HOOK3: variants seen among roughly 807,000 people sequenced by gnomAD.
HOOK3 encodes hook microtubule tethering protein 3.
A neutral mutation model predicts 116.3 loss-of-function variants in HOOK3; 24 were observed. That is an observed-to-expected ratio of 0.21 (90% CI 0.15 to 0.29). The LOEUF (loss-of-function observed/expected upper bound fraction) is 0.29, where lower values mean the gene tolerates loss of function less well. HOOK3 is among the 10% of genes least tolerant of loss of function. The pLI is 1.00. For synonymous variants in HOOK3, 275 were observed against 283.0 expected (o/e 0.97, Z 0.28); for missense variants, 632 against 830.2 (o/e 0.76, Z 2.93).
At chr8:42,964,781 C>T (rs375015307) in intron 9 of HOOK3, among the ~76,000 whole-genome samples, 3 of 135,498 alleles carry the variant, frequency 2.2e-5, no homozygotes, top group Non-Finnish European at 3.3e-5. Flanking sequence ...GAGCCGAGAT[C>T]GTGCCACTGC....
chr8:42,970,009 A>G (rs1469950929), intron 11 of HOOK3, among the ~76,000 whole-genome samples: 2 of 152,178 alleles, frequency 1.3e-5, no homozygotes, highest in African/African-American at 4.8e-5. Context: ...TATTTCCTAT[A>G]TAAGGTTATA....
intron 17 of HOOK3, among the ~76,000 whole-genome samples, chr8:43,005,222 T>TG (rs11391255): frequency 2.3e-5 from 3 of 133,178 alleles, no homozygotes; most frequent in African/African-American, 9.2e-5. Context: ...TAATTTTTTT[T>TG]TTTTTTTTTT....
At chr8:42,930,462 G>C (rs1807852256) in intron 4 of HOOK3, among the ~76,000 whole-genome samples, 1 of 152,054 alleles carries the variant, frequency 6.6e-6, no homozygotes, top group Non-Finnish European at 1.5e-5. Flanking sequence ...TGTGAAGATA[G>C]TTTTAGAGTT....
intron 6 of HOOK3, among the ~76,000 whole-genome samples, 159 bp from the exon 7 acceptor site, chr8:42,956,935 C>G (rs1456980719): frequency 6.6e-6 from 1 of 152,144 alleles, no homozygotes; most frequent in Non-Finnish European, 1.5e-5. Context: ...AAAAAAAGTT[C>G]CGGACTCAGA....
rs531082082 is a variant in HOOK3 at position 42,939,047 on chromosome 8, C to A, written c.268-4266C>A. ...CAGGGTTGGGGGTAAGGTCACAGAT[C>A]AACAGGATCCCAAGGCAGAAGAATT... On this transcript the variant is annotated intron_variant, in intron 4 of 21. Transcript: ENST00000307602. Among the ~76,000 whole-genome samples, 5 of 152,282 alleles carry A rather than the reference C, an allele frequency of 3.3e-5. No homozygotes were observed. In the South Asian group the frequency reaches 8.3e-4, roughly 25 times the overall value.
chr8:42,993,308 A>G (rs538241352), intron 15 of HOOK3, among the ~76,000 whole-genome samples: 2 of 152,224 alleles, frequency 1.3e-5, no homozygotes, highest in East Asian at 3.9e-4. Flanking sequence ...CTGTCGCCCA[A>G]GCTGGAGTGC....
intron 21 of HOOK3, among the ~76,000 whole-genome samples, chr8:43,015,106 C>A (rs1416438689): frequency 6.6e-6 from 1 of 152,038 alleles, no homozygotes; most frequent in Non-Finnish European, 1.5e-5. Context: ...CACTTTACTC[C>A]AGCCTGGGTG....
chr8:43,011,072 A>G (rs1035010989), intron 19 of HOOK3, among the ~76,000 whole-genome samples: 1 of 151,448 alleles, frequency 6.6e-6, no homozygotes, highest in African/African-American at 2.4e-5. Context: ...GGCTCACTGC[A>G]AGCTCCGCCT....
rs981975692 is a variant in HOOK3 at position 43,020,041 on chromosome 8, A to C, written c.*1543A>C. 1 of 198,652 alleles carries C rather than the reference A, an allele frequency of 5.0e-6. No individual in the cohort carries two copies. Among genetic ancestry groups the C allele is most frequent in the Non-Finnish European group, 1.0e-5 (1 of 96,206 alleles). The allele number at this position is 198,652 out of a possible 1,614,324, so 12.3% of individuals were successfully genotyped here. A position where few individuals can be genotyped will look rare whatever the true frequency, so the allele number is the denominator to read the frequency against. On this transcript the variant is annotated 3_prime_UTR_variant, in exon 22 of 22. Transcript: ENST00000307602. ...TTAAGAATTTTCAGCAACTATATTC[A>C]AGTGTTTGATTTTTAAATTCTTTCT...
At chr8:42,897,522 C>T (rs1175540139) in intron 1 of HOOK3, among the ~76,000 whole-genome samples, 1 of 152,366 alleles carries the variant, frequency 6.6e-6, no homozygotes, top group Admixed American at 6.5e-5. Flanking sequence ...CGCTCCTCGC[C>T]TTTGTTGCCG....
rs865789770 is a variant in HOOK3 at position 42,936,601 on chromosome 8, G to C, written c.267+6429G>C. 4.0e-5 allele frequency among the ~76,000 whole-genome samples: 6 copies of C among 151,630 alleles called. No individual in the cohort carries two copies. The South Asian group carries it at 6.2e-4, about 16-fold the overall frequency. ...TTTATTGAGAGTTTTTAGCATGAAGGGGTGTTGAATTTTATCGAAGGCCTT... is the reference window on the plus strand; with the variant it reads ...TTTATTGAGAGTTTTTAGCATGAAGCGGTGTTGAATTTTATCGAAGGCCTT... On this transcript the variant is annotated intron_variant, in intron 4 of 21. Coordinates refer to ENST00000307602, the MANE Select transcript of HOOK3 (RefSeq NM_032410.4).
chr8:42,977,892 AC>A (rs1343443601), intron 13 of HOOK3, among the ~76,000 whole-genome samples: 13 of 152,060 alleles, frequency 8.5e-5, no homozygotes, highest in Non-Finnish European at 1.5e-4. Flanking sequence ...CAAACAAAAA[AC>A]AAAAACACTT....
chr8:42,956,101 A>G (rs772587503), intron 6 of HOOK3, among the ~76,000 whole-genome samples: 1 of 152,078 alleles, frequency 6.6e-6, no homozygotes, highest in Non-Finnish European at 1.5e-5. Context: ...GAAGGAAACA[A>G]CAGAAGACTG....
intron 9 of HOOK3, among the ~76,000 whole-genome samples, chr8:42,964,937 C>A (rs909139028): frequency 3.9e-5 from 6 of 152,228 alleles, no homozygotes; most frequent in African/African-American, 1.4e-4. Context: ...GAAACTACTT[C>A]ACGTCTAGGA....
At chr8:42,940,036 C>G (rs555292914) in intron 4 of HOOK3, among the ~76,000 whole-genome samples, 6 of 143,900 alleles carry the variant, frequency 4.2e-5, no homozygotes, top group African/African-American at 1.6e-4. Context: ...ACATCCCAGA[C>G]GGTGGGCGGC....
intron 4 of HOOK3, among the ~76,000 whole-genome samples, chr8:42,939,562 G>A (rs1416099425): frequency 6.7e-6 from 1 of 149,092 alleles, no homozygotes; most frequent in Non-Finnish European, 1.5e-5. Context: ...GCGGCTGGCC[G>A]AGCGGGGGGC....
chr8:43,015,386 G>T (rs1218196573), intron 21 of HOOK3, among the ~76,000 whole-genome samples: 1 of 151,998 alleles, frequency 6.6e-6, no homozygotes, highest in Non-Finnish European at 1.5e-5. Flanking sequence ...AGCAGGTTGT[G>T]GTGGCGGGTG....
intron 16 of HOOK3, among the ~76,000 whole-genome samples, chr8:43,001,884 C>T (rs1376893015): frequency 3.9e-5 from 6 of 152,076 alleles, no homozygotes; most frequent in Non-Finnish European, 5.9e-5. Flanking sequence ...TCATATATAT[C>T]CAGGTTGTGG....
rs758304019 is a variant in HOOK3 at position 43,013,077 on chromosome 8, G to T, written c.1866G>T (p.Gln622His). Residue 622 changes from glutamine to histidine, a missense_variant, in exon 20 of 22, where the codon CAG (glutamine) becomes CAT (histidine). By Grantham distance (24) the Gln-to-His change is conservative (BLOSUM62 0). Transcript: ENST00000307602. ...TCATCCGTACTTTAGATCCTAAACAGAATCAAGGAGCAGCACCAGAAATAC... is the reference window on the plus strand; with the variant it reads ...TCATCCGTACTTTAGATCCTAAACATAATCAAGGAGCAGCACCAGAAATAC... The part of the protein sequence containing the change: ...KSVIRTLDPK[Q>H]NQGAAPEIQA... The T allele has an allele frequency of 6.2e-7, 1 of 1,612,212 alleles. No individual in the cohort carries two copies. The highest frequency in any genetic ancestry group is 2.2e-5 in the East Asian group (1 of 44,806).
Sources: allele counts gnomAD v4.1 joint callset (sites outside exome capture counted in the v4.1 genomes callset), GRCh38; gene constraint gnomAD v4.1.1; transcripts MANE v1.5; gene names NCBI Gene and HGNC (gene_info 2026-07-23, HGNC 2026-07-21).